Variants in ENTREP2 observed in about 807,000 individuals in gnomAD.
ENTREP2 encodes the protein endosomal transmembrane epsin interactor 2.
At chr15:29,255,988 G>A in the ENTREP2 span, among the ~76,000 whole-genome samples, 49 of 130,040 alleles carry the variant, frequency 3.8e-4, no homozygotes, top group Non-Finnish European at 5.9e-4. Context: ...GCGACAGAGC[G>A]AGAGTCCGTC....
chr15:29,269,550 G>A, the ENTREP2 span: 2 of 1,512,992 alleles, frequency 1.3e-6, no homozygotes, highest in South Asian at 1.2e-5. Flanking sequence ...CGCCCGGCCC[G>A]CGGGACGTGC....
At chr15:29,237,635 T>G in the ENTREP2 span, among the ~76,000 whole-genome samples, 6 of 152,164 alleles carry the variant, frequency 3.9e-5, no homozygotes, top group African/African-American at 1.4e-4. Context: ...CCCACTAGGA[T>G]GGCTTAAAAC....
the ENTREP2 span, among the ~76,000 whole-genome samples, chr15:29,157,808 C>T: frequency 6.6e-6 from 1 of 150,712 alleles, no homozygotes; most frequent in Non-Finnish European, 1.5e-5. Flanking sequence ...CGGCTCACTG[C>T]AACTTCCACC....
the ENTREP2 span, among the ~76,000 whole-genome samples, chr15:29,149,466 G>C: frequency 6.6e-6 from 1 of 152,238 alleles, no homozygotes; most frequent in Non-Finnish European, 1.5e-5. Context: ...GTGAACTGCG[G>C]AAGCTACTGG....
the ENTREP2 span, among the ~76,000 whole-genome samples, chr15:29,464,250 C>A: frequency 7.2e-6 from 1 of 139,710 alleles, no homozygotes; most frequent in Non-Finnish European, 1.5e-5. Flanking sequence ...ATAAGGAATG[C>A]TATTTTTGCA....
chr15:29,572,844 A>G, the ENTREP2 span, among the ~76,000 whole-genome samples: 1 of 122,424 alleles, frequency 8.2e-6, no homozygotes, highest in African/African-American at 3.2e-5. Context: ...CACCCCCACC[A>G]AAAAAAAGGA....
the ENTREP2 span, among the ~76,000 whole-genome samples, chr15:29,426,527 T>C: frequency 2.6e-5 from 4 of 152,192 alleles, no homozygotes; most frequent in Non-Finnish European, 5.9e-5. Flanking sequence ...CTTTAGCTTT[T>C]CTCTCCTAAT....
At chr15:29,522,362 C>T in the ENTREP2 span, among the ~76,000 whole-genome samples, 14 of 152,142 alleles carry the variant, frequency 9.2e-5, no homozygotes, top group Non-Finnish European at 1.8e-4. Flanking sequence ...GTACCTAGAA[C>T]ATAAAAAGAA....
chr15:29,672,533 G>C, the ENTREP2 span, among the ~76,000 whole-genome samples: 2 of 152,016 alleles, frequency 1.3e-5, no homozygotes, highest in African/African-American at 4.8e-5. Flanking sequence ...GCCTCAACCA[G>C]GGAGCTTCTG....
chr15:29,547,283 T>A, the ENTREP2 span, among the ~76,000 whole-genome samples: 1 of 151,690 alleles, frequency 6.6e-6, no homozygotes, highest in African/African-American at 2.4e-5. Context: ...AGAGACCGGG[T>A]TTCACCATAT....
At chr15:29,334,998 C>T in the ENTREP2 span, among the ~76,000 whole-genome samples, 5 of 152,150 alleles carry the variant, frequency 3.3e-5, no homozygotes, top group Non-Finnish European at 5.9e-5. Flanking sequence ...ATGCAGAAGA[C>T]CCAGGGAACC....
At chr15:29,139,694 G>A in the ENTREP2 span, among the ~76,000 whole-genome samples, 4 of 152,292 alleles carry the variant, frequency 2.6e-5, no homozygotes, top group East Asian at 7.7e-4. Flanking sequence ...CAAAGGACGC[G>A]GCTGCATCTG....
chr15:29,364,376 CAG>C, the ENTREP2 span, among the ~76,000 whole-genome samples: 1 of 152,206 alleles, frequency 6.6e-6, no homozygotes, highest in East Asian at 1.9e-4. Context: ...AGGATGATAA[CAG>C]AGTTGTCTCA....
the ENTREP2 span, chr15:29,126,321 C>T: frequency 1.8e-5 from 28 of 1,516,348 alleles, no homozygotes; most frequent in Admixed American, 8.5e-5. Context: ...GACACACGCC[C>T]GGGACCTGGC....
At chr15:29,251,908 G>T in the ENTREP2 span, among the ~76,000 whole-genome samples, 1 of 152,126 alleles carries the variant, frequency 6.6e-6, no homozygotes, top group African/African-American at 2.4e-5. Context: ...TCCTGGATCT[G>T]AAAGAAAATT....
At chr15:29,589,344 T>G in the ENTREP2 span, among the ~76,000 whole-genome samples, 1 of 152,210 alleles carries the variant, frequency 6.6e-6, no homozygotes, top group Non-Finnish European at 1.5e-5. Flanking sequence ...AATTTCAGAT[T>G]AAAACCTCGC....
At chr15:29,525,804 G>T in the ENTREP2 span, among the ~76,000 whole-genome samples, 1 of 152,132 alleles carries the variant, frequency 6.6e-6, no homozygotes, top group Non-Finnish European at 1.5e-5. Context: ...TGATTTTGGT[G>T]ATGGTAACAG....
At chr15:29,120,082 C>T in the ENTREP2 span, among the ~76,000 whole-genome samples, 1 of 152,218 alleles carries the variant, frequency 6.6e-6, no homozygotes, top group African/African-American at 2.4e-5. Context: ...CCCCACTCTG[C>T]CCCGGAGTTG....
At chr15:29,303,136 G>T in the ENTREP2 span, among the ~76,000 whole-genome samples, 1 of 152,204 alleles carries the variant, frequency 6.6e-6, no homozygotes, top group East Asian at 1.9e-4. Flanking sequence ...GGGCTGGGTG[G>T]CCTGGCCTGC....
Sources: gnomAD v4.1 joint callset for allele counts (sites outside exome capture counted in the v4.1 genomes callset) on GRCh38, gnomAD v4.1.1 for gene constraint, MANE v1.5 for transcripts, NCBI Gene and HGNC (gene_info 2026-07-23, HGNC 2026-07-21) for gene names.